The following GRID2 variants were observed in gnomAD, a reference collection of about 807,000 sequenced individuals.
GRID2 encodes glutamate receptor ionotropic, delta-2.
A neutral mutation model predicts 114.8 loss-of-function variants in GRID2; 33 were observed. The observed-to-expected ratio is 0.29, with a 90% CI of 0.22 to 0.38. The LOEUF is 0.38. Ranked by LOEUF, GRID2 falls within the 10% of genes least tolerant of loss-of-function variation. The pLI, the probability that GRID2 is intolerant of heterozygous loss-of-function variation, is 1.00. For missense variants in GRID2, 1,184 were observed against 1,257.7 expected, an observed-to-expected ratio of 0.94 and a Z score of 0.89; for synonymous variants, 505 against 449.9, an observed-to-expected ratio of 1.12 and a Z score of -1.55.
intron 14 of GRID2, among the ~76,000 whole-genome samples, chr4:93,696,391 A>C (rs527690599): frequency 6.6e-6 from 1 of 152,342 alleles, no homozygotes; most frequent in East Asian, 1.9e-4. Flanking sequence ...TGCAAAAATA[A>C]GAATAACCTC....
chr4:93,343,687 T>TA (rs369822002), intron 8 of GRID2, among the ~76,000 whole-genome samples: 2 of 151,768 alleles, frequency 1.3e-5, no homozygotes, highest in Non-Finnish European at 2.9e-5. Context: ...AAAATTTTTT[T>TA]AAATGTTTGG....
chr4:93,465,261 A>G (rs978108707), intron 11 of GRID2, among the ~76,000 whole-genome samples: 1 of 152,216 alleles, frequency 6.6e-6, no homozygotes, highest in Non-Finnish European at 1.5e-5. Flanking sequence ...CCATGAGCCA[A>G]TTTTTTACCT....
chr4:92,986,610 A>AG (rs1457382268), intron 2 of GRID2, among the ~76,000 whole-genome samples: 1 of 152,104 alleles, frequency 6.6e-6, no homozygotes, highest in Non-Finnish European at 1.5e-5. Context: ...GATTGTGCTA[A>AG]GGTTGTGTAA....
Position 92,713,490 on chromosome 4 carries a change from T to C in GRID2, c.244+123204T>C, listed in dbSNP as rs959657454. ...ATATACATATACATATATATATATATATATATATATATATATATATATATA... is the reference window on the plus strand; with the variant it reads ...ATATACATATACATATATATATATACATATATATATATATATATATATATA... On this transcript the variant is annotated intron_variant, in intron 2 of 15. Transcript: ENST00000282020. 8.2e-5 allele frequency among the ~76,000 whole-genome samples: 10 copies of C among 121,930 alleles called. No individual in the cohort carries two copies. In the South Asian group the frequency reaches 2.1e-3, roughly 25 times the overall value. The allele number at this position is 121,930 out of a possible 152,430, so 80.0% of individuals were successfully genotyped here. A position where few individuals can be genotyped will look rare whatever the true frequency, so the allele number is the denominator to read the frequency against.
chr4:93,294,015 T>C (rs1342340902), intron 8 of GRID2, among the ~76,000 whole-genome samples: 1 of 152,034 alleles, frequency 6.6e-6, no homozygotes, highest in Non-Finnish European at 1.5e-5. Context: ...CAATGGATAG[T>C]GAATAGATGA....
intron 8 of GRID2, among the ~76,000 whole-genome samples, chr4:93,368,120 A>G (rs1762515337): frequency 6.6e-6 from 1 of 152,198 alleles, no homozygotes; most frequent in African/African-American, 2.4e-5. Context: ...AAACAAAATT[A>G]ACTATCTCAG....
At chr4:92,799,824 A>C (rs2149371071) in intron 2 of GRID2, among the ~76,000 whole-genome samples, 1 of 152,144 alleles carries the variant, frequency 6.6e-6, no homozygotes, top group South Asian at 2.1e-4. Flanking sequence ...TTCTCAAGGA[A>C]AATTATTTTT....
At chr4:93,127,391 G>T (rs1356151844) in intron 4 of GRID2, among the ~76,000 whole-genome samples, 6 of 151,974 alleles carry the variant, frequency 3.9e-5, no homozygotes, top group Admixed American at 2.6e-4. Flanking sequence ...CAAAATAAAT[G>T]AAAAAGAAAA....
At chr4:93,510,193 C>T (rs535504541) in intron 12 of GRID2, among the ~76,000 whole-genome samples, 3 of 152,256 alleles carry the variant, frequency 2.0e-5, no homozygotes, top group Admixed American at 6.5e-5. Flanking sequence ...CTTAAGTTGA[C>T]TTGTTCCACC....
intron 1 of GRID2, among the ~76,000 whole-genome samples, chr4:92,459,193 A>G (rs1721358037): frequency 6.6e-6 from 1 of 152,224 alleles, no homozygotes; most frequent in African/African-American, 2.4e-5. Context: ...AGAAGTATGA[A>G]GATCATTGTG....
At chr4:92,975,669 A>G (rs1404080873) in intron 2 of GRID2, among the ~76,000 whole-genome samples, 1 of 152,158 alleles carries the variant, frequency 6.6e-6, no homozygotes, top group Admixed American at 6.5e-5. Flanking sequence ...TGATTAGACT[A>G]TTATTAGTAA....
At chr4:93,266,264 T>G (rs535764167) in intron 8 of GRID2, among the ~76,000 whole-genome samples, 1 of 152,284 alleles carries the variant, frequency 6.6e-6, no homozygotes, top group South Asian at 2.1e-4. Context: ...CAAAACAATT[T>G]TATTCGAGGA....
chr4:92,333,544 C>A (rs1222347935), intron 1 of GRID2, among the ~76,000 whole-genome samples: 1 of 152,080 alleles, frequency 6.6e-6, no homozygotes, highest in East Asian at 1.9e-4. Flanking sequence ...CTAAATAAGC[C>A]TTTTTCATCT....
At chr4:92,418,586 T>C (rs1731736656) in intron 1 of GRID2, among the ~76,000 whole-genome samples, 2 of 152,008 alleles carry the variant, frequency 1.3e-5, no homozygotes, top group Admixed American at 1.3e-4. Flanking sequence ...GAGATTTAAA[T>C]ATGAGACAAA....
chr4:92,352,869 A>T (rs1307003516), intron 1 of GRID2, among the ~76,000 whole-genome samples: 1 of 151,758 alleles, frequency 6.6e-6, no homozygotes, highest in African/African-American at 2.4e-5. Context: ...ATCTCTTCAA[A>T]TTTGTTCTAG....
chr4:92,944,002 G>A (rs190454517), intron 2 of GRID2, among the ~76,000 whole-genome samples: 41 of 152,234 alleles, frequency 2.7e-4, no homozygotes, highest in Middle Eastern at 3.4e-3. Context: ...CTACTGGGGG[G>A]TGCCTCCCAG....
At chr4:92,736,087 C>G (rs1736584501) in intron 2 of GRID2, among the ~76,000 whole-genome samples, 1 of 151,972 alleles carries the variant, frequency 6.6e-6, no homozygotes, top group Admixed American at 6.6e-5. Context: ...TTAAGGATAT[C>G]AAAATGGAGA....
intron 8 of GRID2, among the ~76,000 whole-genome samples, chr4:93,253,279 C>T (rs545162172): frequency 6.6e-6 from 1 of 151,804 alleles, no homozygotes; most frequent in East Asian, 1.9e-4. Context: ...AAACAAAAAA[C>T]TCAGTTCTTA....
intron 2 of GRID2, among the ~76,000 whole-genome samples, chr4:92,931,621 G>GAT (rs1298964844): frequency 1.4e-5 from 2 of 147,202 alleles, no homozygotes; most frequent in Non-Finnish European, 3.0e-5. Flanking sequence ...CAAGATAGAA[G>GAT]ATACACACAC....
Sources: gnomAD v4.1 joint callset for allele counts (sites outside exome capture counted in the v4.1 genomes callset) on GRCh38, gnomAD v4.1.1 for gene constraint, MANE v1.5 for transcripts, NCBI Gene and HGNC (gene_info 2026-07-23, HGNC 2026-07-21) for gene names.